Variants in TRAK2 observed in about 807,000 individuals in gnomAD.
The protein encoded by TRAK2 is trafficking kinesin-binding protein 2.
Under a neutral mutation model 104.6 loss-of-function variants are expected in TRAK2, and 81 were observed. The observed-to-expected ratio is 0.77, with a 90% CI of 0.65 to 0.93. The LOEUF (loss-of-function observed/expected upper bound fraction) is 0.93, where lower values mean the gene tolerates loss of function less well. Among genes scored for constraint, TRAK2 ranks in the 40% least tolerant of loss-of-function variants. The probability of loss-of-function intolerance (pLI) is 0.00; values close to 1 mark genes in which losing one functional copy is unlikely to be tolerated. For synonymous variants in TRAK2, 406 were observed against 394.4 expected, an observed-to-expected ratio of 1.03 and a Z score of -0.35; for missense variants, 1,002 against 1,089.0, an observed-to-expected ratio of 0.92 and a Z score of 1.12.
intron 2 of TRAK2, chr2:201,410,648 T>C (rs1951637744): frequency 7.7e-7 from 1 of 1,300,288 alleles, no homozygotes; most frequent in Non-Finnish European, 1.1e-6. Context: ...TTACCCTGCA[T>C]ACCAAAGGCA....
Position 201,380,834 on chromosome 2 carries a change from C to T in TRAK2, c.2454G>A (p.Leu818=). 1 of 1,614,026 alleles carries T rather than the reference C, an allele frequency of 6.2e-7. No homozygotes were observed. The highest frequency in any genetic ancestry group is 8.5e-7 in the Non-Finnish European group (1 of 1,179,988). Residue 818 remains leucine, a synonymous_variant, in exon 16 of 16, where the codon TTG becomes TTA. Transcript: ENST00000332624. ...CATCAGGAGGGTTCCGGGAGGGTCT[C>T]AAGCCATACATCTCCTGGAGGAATG... is the stretch of plus-strand genomic sequence containing the variant. The part of the protein sequence containing the change: ...AETFLQEMYG[L]RPSRNPPDVG...
At chr2:201,397,640 A>G (rs922891735) in intron 6 of TRAK2, 60 bp from the exon 7 acceptor site, 3 of 1,220,908 alleles carry the variant, frequency 2.5e-6, no homozygotes, top group Non-Finnish European at 3.6e-6. Flanking sequence ...AAATAACTAC[A>G]AAAACCTTTA....
At chr2:201,396,849 G>C (rs1484624628) in intron 7 of TRAK2, among the ~76,000 whole-genome samples, 1 of 152,066 alleles carries the variant, frequency 6.6e-6, no homozygotes, top group Non-Finnish European at 1.5e-5. Context: ...TACTCAGAAT[G>C]GTTCGCGATT....
At chr2:201,400,466 T>TG (rs939333210) in intron 4 of TRAK2, among the ~76,000 whole-genome samples, 5 of 151,894 alleles carry the variant, frequency 3.3e-5, no homozygotes, top group African/African-American at 9.7e-5. Flanking sequence ...TCTGGAGAGC[T>TG]GGGGGGAGAG....
chr2:201,418,381 G>A (rs1392410516), intron 2 of TRAK2, among the ~76,000 whole-genome samples: 1 of 152,118 alleles, frequency 6.6e-6, no homozygotes, highest in Non-Finnish European at 1.5e-5. Context: ...TCATTATGTT[G>A]CGCAGGCTGG....
At chr2:201,449,560 C>A (rs1236424502) in intron 1 of TRAK2, among the ~76,000 whole-genome samples, 1 of 150,984 alleles carries the variant, frequency 6.6e-6, no homozygotes, top group Non-Finnish European at 1.5e-5. Flanking sequence ...TCTTGGCTCA[C>A]CGCAACCTCC....
At chr2:201,394,945 A>T in intron 8 of TRAK2, 73 bp from the exon 9 acceptor site, 1 of 1,296,340 alleles carries the variant, frequency 7.7e-7, no homozygotes, top group Non-Finnish European at 1.1e-6. Context: ...TTATAAAGAC[A>T]TGTGAAGAAT....
chr2:201,397,442 G>T, intron 7 of TRAK2, 60 bp downstream of exon 7: 1 of 1,196,482 alleles, frequency 8.4e-7, no homozygotes, highest in Non-Finnish European at 1.2e-6. Context: ...CTTCCGAGGT[G>T]GAGATACCCT....
chr2:201,412,260 C>T, intron 2 of TRAK2: 1 of 1,076,214 alleles, frequency 9.3e-7, no homozygotes, highest in East Asian at 2.4e-5. Flanking sequence ...CGTTGAAAAA[C>T]TGTGATTTCT....
chr2:201,419,515 T>TA (rs1951721775), intron 2 of TRAK2: 1 of 152,276 alleles, frequency 6.6e-6, no homozygotes, highest in Non-Finnish European at 1.5e-5. Context: ...CAAGCAAACT[T>TA]AAAGTGGCAG....
At chr2:201,440,639 G>C (rs1297167034) in intron 1 of TRAK2, among the ~76,000 whole-genome samples, 1 of 152,162 alleles carries the variant, frequency 6.6e-6, no homozygotes, top group Non-Finnish European at 1.5e-5. Context: ...TAATTGCTAG[G>C]GGAAATATAA....
At chr2:201,401,836 A>G (rs1951553495) in intron 3 of TRAK2, among the ~76,000 whole-genome samples, 1 of 152,112 alleles carries the variant, frequency 6.6e-6, no homozygotes, top group Non-Finnish European at 1.5e-5. Flanking sequence ...CAGTCACACT[A>G]AACAGTATCT....
intron 2 of TRAK2, among the ~76,000 whole-genome samples, chr2:201,416,984 T>C (rs1951697166): frequency 1.3e-5 from 2 of 151,598 alleles, no homozygotes; most frequent in South Asian, 2.1e-4. Flanking sequence ...ATACTGCAAA[T>C]AGAAAGTACA....
rs1037350950 is a variant in TRAK2, at chr2:201,377,908, T to C, written c.*2635A>G. 3 of 152,318 alleles carry C rather than the reference T, an allele frequency of 2.0e-5. No individual in the cohort carries two copies. Among genetic ancestry groups the C allele is most frequent in the Non-Finnish European group, 4.4e-5 (3 of 67,960 alleles). 9.4% of individuals were successfully genotyped at this position (152,318 alleles called of 1,614,324 possible). A position where few individuals can be genotyped will look rare whatever the true frequency, so the allele number is the denominator to read the frequency against. ...AAAAAAAAAAGATTGAGGTTTCCTATACTGGCATGAAAGTACACATACAAT... is the reference window on the plus strand; with the variant it reads ...AAAAAAAAAAGATTGAGGTTTCCTACACTGGCATGAAAGTACACATACAAT... On this transcript the variant is annotated 3_prime_UTR_variant, in exon 16 of 16. Transcript: ENST00000332624.
chr2:201,381,026 C>T lies in TRAK2; in HGVS notation c.2262G>A (p.Val754=). 6.2e-7 allele frequency: 1 copy of T among 1,614,050 alleles called. No homozygotes were observed. Among genetic ancestry groups the T allele is most frequent in the Non-Finnish European group, 8.5e-7 (1 of 1,179,988 alleles). ...GGTTCTCTGAAATTGGGCTGTGGTACACTTTGGCAGAGATGCCTCGCTCTT... is the reference window on the plus strand; with the variant it reads ...GGTTCTCTGAAATTGGGCTGTGGTATACTTTGGCAGAGATGCCTCGCTCTT... ...LLQERGISAK[V]YHSPISENPL... The change falls in exon 16 of 16, where the codon GTG becomes GTA. Residue 754 remains valine (V), a synonymous_variant. Coordinates refer to ENST00000332624, the MANE Select transcript of TRAK2 (RefSeq NM_015049.3).
rs779119069 is a variant in TRAK2 at position 201,395,309 on chromosome 2, C to G, written c.900+5G>C. The G allele has an allele frequency of 6.2e-7, 1 of 1,601,412 alleles. No homozygotes were observed. The highest frequency in any genetic ancestry group is 2.2e-5 in the East Asian group (1 of 44,654). On this transcript the variant is annotated splice_donor_5th_base_variant and intron_variant, in intron 8 of 15. Coordinates refer to ENST00000332624, the MANE Select transcript of TRAK2 (RefSeq NM_015049.3). ...AATATCTGTTGAATGAATGAATAAA[C>G]CTACTTCTTTAAGTTTGTGCTGAAG...
At chr2:201,415,822 G>A (rs1480313848) in intron 2 of TRAK2, among the ~76,000 whole-genome samples, 2 of 152,066 alleles carry the variant, frequency 1.3e-5, no homozygotes, top group Non-Finnish European at 2.9e-5. Flanking sequence ...AGTCTTCCAA[G>A]TTTAATTAAT....
intron 4 of TRAK2, among the ~76,000 whole-genome samples, chr2:201,400,529 G>A (rs1443934425): frequency 6.6e-6 from 1 of 151,868 alleles, no homozygotes; most frequent in Non-Finnish European, 1.5e-5. Flanking sequence ...AACTGAAACA[G>A]GTACAAAGGG....
At chr2:201,399,017 G>A (rs969950218) in intron 5 of TRAK2, among the ~76,000 whole-genome samples, 4 of 151,966 alleles carry the variant, frequency 2.6e-5, no homozygotes, top group East Asian at 1.9e-4. Context: ...TCCTTTGTTT[G>A]GTTTTTGAAT....
Sources: gnomAD v4.1 joint callset for allele counts (sites outside exome capture counted in the v4.1 genomes callset) on GRCh38, gnomAD v4.1.1 for gene constraint, MANE v1.5 for transcripts, NCBI Gene and HGNC (gene_info 2026-07-23, HGNC 2026-07-21) for gene names.